Variants in AIG1 observed in about 807,000 individuals in gnomAD.
AIG1 encodes the protein androgen-induced gene 1 protein.
AIG1 carries 23 observed loss-of-function variants against 31.4 expected under a neutral mutation model. That is an observed-to-expected ratio of 0.73 (90% CI 0.53 to 1.04). The LOEUF is 1.04. Ranked by LOEUF, AIG1 falls within the 50% of genes least tolerant of loss-of-function variation. The pLI, the probability that AIG1 is intolerant of heterozygous loss-of-function variation, is 0.00. For missense variants in AIG1, 274 were observed against 295.0 expected, an observed-to-expected ratio of 0.93 and a Z score of 0.52; for synonymous variants, 100 against 110.5, an observed-to-expected ratio of 0.90 and a Z score of 0.60.
chr6:143,324,341 A>G (rs766180778), intron 4 of AIG1, among the ~76,000 whole-genome samples: 1 of 152,214 alleles, frequency 6.6e-6, no homozygotes, highest in African/African-American at 2.4e-5. Context: ...TTTATCTTGC[A>G]TCTTGCAACA....
intron 1 of AIG1, among the ~76,000 whole-genome samples, chr6:143,071,271 C>T (rs760866998): frequency 2.6e-5 from 4 of 152,130 alleles, no homozygotes; most frequent in Non-Finnish European, 4.4e-5. Flanking sequence ...ATCAGTAGTT[C>T]GTTCCTTTTT....
intron 5 of AIG1, chr6:143,335,281 C>A: frequency 2.1e-6 from 1 of 473,878 alleles, no homozygotes; most frequent in African/African-American, 2.0e-5. Context: ...TGCCTGTAAT[C>A]CCGGCACTTT....
chr6:143,213,508 CTTTTTTTTTTTTTTTT>C (rs746350692), intron 3 of AIG1, among the ~76,000 whole-genome samples: 4 of 61,200 alleles, frequency 6.5e-5, no homozygotes, highest in Non-Finnish European at 1.4e-4. Flanking sequence ...TTTCTTTCTT[CTTTTTTTTTTTTTTTT>C]TTTTTTTTTT....
rs892028463 is a variant in AIG1 at position 143,256,589 on chromosome 6, C to G, written c.400-27521C>G. 1.1e-4 allele frequency among the ~76,000 whole-genome samples: 16 copies of G among 152,136 alleles called. No homozygotes were observed. Among genetic ancestry groups the G allele is most frequent in the African/African-American group, 3.4e-4 (14 of 41,430 alleles). ...AACAAAATCTTCCATGGACATCGAG[C>G]AGATAAAAATGGAACCGTTACAGCT... On this transcript the variant is annotated intron_variant, in intron 3 of 5. Coordinates refer to ENST00000357847, the MANE Select transcript of AIG1 (RefSeq NM_016108.4). This position sits in a 1 kb window ranked among gnomAD's most constrained non-coding sequence, Gnocchi z 4.6.
chr6:143,145,393 C>A (rs906678305), intron 2 of AIG1, among the ~76,000 whole-genome samples: 2 of 152,156 alleles, frequency 1.3e-5, no homozygotes, highest in East Asian at 3.9e-4. Context: ...CCTTTTTGTA[C>A]TTGGAGTTGC....
At chr6:143,086,148 T>A (rs1254373264) in intron 1 of AIG1, among the ~76,000 whole-genome samples, 2 of 152,214 alleles carry the variant, frequency 1.3e-5, no homozygotes, top group African/African-American at 4.8e-5. Flanking sequence ...CATCCATGGC[T>A]GAGATAAGGA....
At chr6:143,241,906 G>C (rs896706185) in intron 3 of AIG1, among the ~76,000 whole-genome samples, 5 of 152,140 alleles carry the variant, frequency 3.3e-5, no homozygotes, top group African/African-American at 4.8e-5. Flanking sequence ...GTGTGTATAA[G>C]GCATATGTAA....
intron 3 of AIG1, among the ~76,000 whole-genome samples, chr6:143,204,996 C>T (rs1334325150): frequency 2.6e-5 from 4 of 152,140 alleles, no homozygotes; most frequent in African/African-American, 9.7e-5. Flanking sequence ...TTTGTTGTCA[C>T]TGATTTTACC....
In AIG1 at chr6:143,292,448, G is replaced by A. The variant is rs1798120000; in HGVS notation, c.515+8223G>A. On this transcript the variant is annotated intron_variant, in intron 4 of 5. Transcript: ENST00000357847. The surrounding 1 kb of genome is among the most constrained non-coding windows in gnomAD (Gnocchi z 4.9). ...GAAAGGACTTGAACTGCCGTCACTG[G>A]CTTTGAAGACAGAGGAAGGGGCTGT... is the stretch of plus-strand genomic sequence containing the variant. Among the ~76,000 whole-genome samples the A allele has an allele frequency of 6.6e-6, 1 of 152,138 alleles. No homozygotes were observed. Among genetic ancestry groups the A allele is most frequent in the Non-Finnish European group, 1.5e-5 (1 of 68,028 alleles).
At chr6:143,267,471 C>T (rs1796235552) in intron 3 of AIG1, among the ~76,000 whole-genome samples, 1 of 152,178 alleles carries the variant, frequency 6.6e-6, no homozygotes, top group South Asian at 2.1e-4. Flanking sequence ...TGATTCCTAG[C>T]CCCAGTAATC....
intron 1 of AIG1, among the ~76,000 whole-genome samples, chr6:143,080,049 A>G (rs1003122851): frequency 3.3e-5 from 5 of 151,424 alleles, no homozygotes; most frequent in Non-Finnish European, 1.5e-5. Flanking sequence ...CTGTGTTTAA[A>G]GGTAGGTGTG....
chr6:143,337,027 C>T (rs1215077109), intron 5 of AIG1, among the ~76,000 whole-genome samples: 3 of 152,208 alleles, frequency 2.0e-5, no homozygotes, highest in Non-Finnish European at 4.4e-5. Context: ...GCTAGATGTT[C>T]TGTCCTCAGG....
At position 143,279,761 on chromosome 6, in the gene AIG1, G is replaced by A. The variant is rs1285338097; in HGVS notation, c.400-4349G>A. ...ATAAATCAGGATAGATTTAGGCTTCGTTTTTTGGACACAATCTTCCAAATG... is the reference window on the plus strand; with the variant it reads ...ATAAATCAGGATAGATTTAGGCTTCATTTTTTGGACACAATCTTCCAAATG... On this transcript the variant is annotated intron_variant, in intron 3 of 5. Coordinates refer to ENST00000357847, the MANE Select transcript of AIG1 (RefSeq NM_016108.4). This position sits in a 1 kb window ranked among gnomAD's most constrained non-coding sequence, Gnocchi z 5.4. Among the ~76,000 whole-genome samples, 1 of 152,080 alleles carries A rather than the reference G, an allele frequency of 6.6e-6. No homozygotes were observed. The highest frequency in any genetic ancestry group is 6.5e-5 in the Admixed American group (1 of 15,274).
At chr6:143,180,043 C>T (rs541636400) in intron 3 of AIG1, among the ~76,000 whole-genome samples, 4 of 152,290 alleles carry the variant, frequency 2.6e-5, no homozygotes, top group African/African-American at 7.2e-5. Context: ...ATCCTTCCAC[C>T]GTCTTTCTGT....
Position 143,293,877 on chromosome 6 carries a change from TTGGCAATTTTCC to T in AIG1, c.515+9655_515+9666del, listed in dbSNP as rs142333270. Among the ~76,000 whole-genome samples, 1,172 of 152,294 alleles carry T rather than the reference TTGGCAATTTTCC, an allele frequency of 7.7e-3. 35 individuals are homozygous for T. The highest frequency in any genetic ancestry group is 0.047 in the Admixed American group (724 of 15,298). On this transcript the variant is annotated intron_variant, in intron 4 of 5. Coordinates refer to ENST00000357847, the MANE Select transcript of AIG1 (RefSeq NM_016108.4). This position sits in a 1 kb window ranked among gnomAD's most constrained non-coding sequence, Gnocchi z 4.8. ...ATGCTGCTTGTGCTCTTGATGCTAC[TTGGCAATTTTCC>T]TGTGGATTTCTCCAGCCATCTCTAT...
chr6:143,339,610 C>G (rs1583922430), intron 5 of AIG1, 29 bp from the exon 6 acceptor site: 1 of 1,609,568 alleles, frequency 6.2e-7, no homozygotes. Context: ...ATCTGATGCT[C>G]AAATAAAACA....
At chr6:143,332,928 A>G (rs1777199525) in intron 4 of AIG1, among the ~76,000 whole-genome samples, 2 of 152,188 alleles carry the variant, frequency 1.3e-5, no homozygotes, top group Non-Finnish European at 2.9e-5. Flanking sequence ...CAGAGAAAGG[A>G]CATTCACAGG....
At chr6:143,343,119 A>G (rs1480505611), downstream of AIG1, 1 of 765,658 alleles carries the variant, frequency 1.3e-6, no homozygotes, top group East Asian at 2.4e-5. Context: ...CTAAGATCCC[A>G]GAAGGGAGGC....
At chr6:143,102,179 A>AAT (rs1182608179) in intron 1 of AIG1, among the ~76,000 whole-genome samples, 1 of 151,926 alleles carries the variant, frequency 6.6e-6, no homozygotes, top group East Asian at 1.9e-4. Context: ...CTATATTGAT[A>AAT]ATATTTTATA....
Sources: gnomAD v4.1 joint callset for allele counts (sites outside exome capture counted in the v4.1 genomes callset) on GRCh38, gnomAD v4.1.1 for gene constraint, Gnocchi (gnomAD v3.1) non-coding constraint, MANE v1.5 for transcripts, NCBI Gene and HGNC (gene_info 2026-07-23, HGNC 2026-07-21) for gene names.